Variants in HERC1 observed in about 807,000 individuals in gnomAD.
The protein encoded by HERC1 is probable E3 ubiquitin-protein ligase HERC1.
In HERC1, 160 loss-of-function variants were observed where a neutral mutation model predicts 554.3. That is an observed-to-expected ratio of 0.29 (90% CI 0.25 to 0.33). The LOEUF (loss-of-function observed/expected upper bound fraction) is 0.33, where lower values mean the gene tolerates loss of function less well. Ranked by LOEUF, HERC1 falls within the 10% of genes least tolerant of loss-of-function variation. The probability of loss-of-function intolerance (pLI) is 1.00; values close to 1 mark genes in which losing one functional copy is unlikely to be tolerated. For synonymous variants in HERC1, 2,175 were observed against 2,131.7 expected (o/e 1.02, Z -0.56); for missense variants, 4,919 against 5,918.5 (o/e 0.83, Z 5.54).
chr15:63,713,847 T>C (rs1444197372), intron 22 of HERC1, 182 bp from the exon 23 acceptor site: 3 of 518,854 alleles, frequency 5.8e-6, no homozygotes, highest in Admixed American at 6.7e-5. Flanking sequence ...TATACTAAAA[T>C]ACTATATTTT....
chr15:63,683,403 AAGAG>A (rs2071585757), intron 34 of HERC1, among the ~76,000 whole-genome samples: 1 of 152,226 alleles, frequency 6.6e-6, no homozygotes, highest in Non-Finnish European at 1.5e-5. Flanking sequence ...GATAAAATAA[AAGAG>A]AGGCAAGCTC....
intron 59 of HERC1, among the ~76,000 whole-genome samples, chr15:63,642,339 G>T (rs1417153356): frequency 6.6e-6 from 1 of 152,118 alleles, no homozygotes; most frequent in Non-Finnish European, 1.5e-5. Context: ...TTGTTTGAGA[G>T]AGTTTTTTTT....
At chr15:63,688,589 GA>G (rs1292593799) in intron 33 of HERC1, among the ~76,000 whole-genome samples, 1 of 152,162 alleles carries the variant, frequency 6.6e-6, no homozygotes, top group Non-Finnish European at 1.5e-5. Context: ...GTTTCTTTGA[GA>G]AGGAATGGGG....
At chr15:63,828,044 G>C (rs2078001994) in intron 1 of HERC1, among the ~76,000 whole-genome samples, 1 of 151,672 alleles carries the variant, frequency 6.6e-6, no homozygotes, top group Non-Finnish European at 1.5e-5. Flanking sequence ...TTAGATAGTT[G>C]TGATGGTTGC....
rs1320963217 is a variant in HERC1, at chr15:63,678,185, T to C, written c.6730A>G (p.Ile2244Val). The C allele has an allele frequency of 3.1e-6, 5 of 1,613,858 alleles. No homozygotes were observed. Among genetic ancestry groups the C allele is most frequent in the Non-Finnish European group, 4.2e-6 (5 of 1,179,884 alleles). Residue 2244 changes from isoleucine (I) to valine (V), a missense_variant, in exon 37 of 78, where the codon ATT (isoleucine) becomes GTT (valine). Around this residue, in one of 11 missense-constraint regions of HERC1, gnomAD observed 1,963 missense variants for 2,228.6 expected, o/e 0.88. Transcript: ENST00000443617. ...NKKMMERLHK[I>V]KICIKESGQK... Reference sequence around the variant, plus strand: ...CCTGACTCTTTAATACATATCTTAATTTTGTGAAGCCTTTCCATCATTTTT... The same window carrying C: ...CCTGACTCTTTAATACATATCTTAACTTTGTGAAGCCTTTCCATCATTTTT...
intron 22 of HERC1, among the ~76,000 whole-genome samples, chr15:63,715,076 T>C (rs2073486260): frequency 6.6e-6 from 1 of 152,176 alleles, no homozygotes; most frequent in South Asian, 2.1e-4. Flanking sequence ...AGAATGGTCA[T>C]TGGTGTTTGG....
At chr15:63,793,911 G>C (rs2076730897) in intron 1 of HERC1, among the ~76,000 whole-genome samples, 1 of 152,172 alleles carries the variant, frequency 6.6e-6, no homozygotes, top group South Asian at 2.1e-4. Flanking sequence ...CACAGGATGA[G>C]ATAGGAGGTC....
intron 43 of HERC1, among the ~76,000 whole-genome samples, chr15:63,663,735 T>C (rs762650795): frequency 7.9e-5 from 12 of 152,298 alleles, no homozygotes; most frequent in Non-Finnish European, 1.5e-4. Flanking sequence ...GCTGGGATTA[T>C]AGGCATGAGC....
rs566725672 is a variant in HERC1 at position 63,631,829 on chromosome 15, C to T, written c.12796+880G>A. Among the ~76,000 whole-genome samples the T allele has an allele frequency of 3.9e-5, 6 of 152,330 alleles. No homozygotes were observed. The East Asian group carries it at 9.7e-4, about 25-fold the overall frequency. On this transcript the variant is annotated intron_variant, in intron 68 of 77. Coordinates refer to ENST00000443617, the MANE Select transcript of HERC1 (RefSeq NM_003922.4). Reference sequence around the variant, plus strand: ...ATGCTGGGATTACAGGTGTGAGCCACGGCGCCCGGCCCTCCCAAGTCTTAT... The same window carrying T: ...ATGCTGGGATTACAGGTGTGAGCCATGGCGCCCGGCCCTCCCAAGTCTTAT...
At chr15:63,737,169 G>A (rs1188820842) in intron 12 of HERC1, among the ~76,000 whole-genome samples, 1 of 151,190 alleles carries the variant, frequency 6.6e-6, no homozygotes, top group Non-Finnish European at 1.5e-5. Context: ...CAATAGAAGG[G>A]CTAGAATATA....
intron 51 of HERC1, among the ~76,000 whole-genome samples, chr15:63,653,638 CAT>C: frequency 6.6e-6 from 1 of 152,240 alleles, no homozygotes; most frequent in East Asian, 1.9e-4. Flanking sequence ...CTGCATAGAA[CAT>C]ATATATATCC....
At chr15:63,624,785 C>T (rs2068229348) in intron 71 of HERC1, among the ~76,000 whole-genome samples, 1 of 152,094 alleles carries the variant, frequency 6.6e-6, no homozygotes, top group Non-Finnish European at 1.5e-5. Context: ...TATTAGTAAC[C>T]TTTAAATTTT....
chr15:63,799,282 G>T (rs1394776095), intron 1 of HERC1, among the ~76,000 whole-genome samples: 1 of 152,078 alleles, frequency 6.6e-6, no homozygotes, highest in East Asian at 1.9e-4. Context: ...AGAAGGATCA[G>T]TTGAGCCCAG....
intron 1 of HERC1, chr15:63,780,009 T>G (rs2076239970): frequency 1.7e-5 from 1 of 58,132 alleles, no homozygotes; most frequent in African/African-American, 7.7e-5. Flanking sequence ...GGAGACTCCA[T>G]CTCAAAAAAA....
At chr15:63,671,544 A>G (rs1595936546) in intron 39 of HERC1, among the ~76,000 whole-genome samples, 2 of 152,354 alleles carry the variant, frequency 1.3e-5, no homozygotes, top group Non-Finnish European at 1.5e-5. Context: ...GCACAAGACC[A>G]CAGCAGTAAT....
Position 63,671,203 on chromosome 15 carries a change from C to CAAA in HERC1, c.8045+1290_8045+1292dup, listed in dbSNP as rs371521135. On this transcript the variant is annotated intron_variant, in intron 39 of 77. Transcript: ENST00000443617. ...GGGCAACAAGAGTGAAACTTTGTCT[C>CAAA]AAAAAAAAAAAAAAAAAAATTAGCT... Among the ~76,000 whole-genome samples the CAAA allele has an allele frequency of 1.1e-3, 135 of 123,444 alleles. 1 individual carries two copies. Among genetic ancestry groups the CAAA allele is most frequent in the African/African-American group, 2.2e-3 (71 of 32,884 alleles). The allele number at this position is 123,444 out of a possible 152,430, so 81.0% of individuals were successfully genotyped here. A position where few individuals can be genotyped will look rare whatever the true frequency, so the allele number is the denominator to read the frequency against.
At chr15:63,770,161 C>G (rs1392787101) in intron 2 of HERC1, among the ~76,000 whole-genome samples, 1 of 152,144 alleles carries the variant, frequency 6.6e-6, no homozygotes, top group South Asian at 2.1e-4. Flanking sequence ...TTGCTCTCCC[C>G]ACAACTCAAT....
rs369977219 is a variant in HERC1, at chr15:63,704,179, G to A, written c.4636+2601C>T. ...CAAAAAAACCCTACTGTGTCAAAGG[G>A]CAGTCACTAAATATACAATATTTTT... On this transcript the variant is annotated intron_variant, in intron 25 of 77. Coordinates refer to ENST00000443617, the MANE Select transcript of HERC1 (RefSeq NM_003922.4). 1.5e-4 allele frequency among the ~76,000 whole-genome samples: 23 copies of A among 152,056 alleles called. No homozygotes were observed. In the East Asian group the frequency reaches 2.1e-3, roughly 14 times the overall value.
chr15:63,735,836 T>C (rs541615336), intron 12 of HERC1, among the ~76,000 whole-genome samples: 17 of 152,276 alleles, frequency 1.1e-4, no homozygotes, highest in African/African-American at 3.6e-4. Flanking sequence ...AAAGCATGTG[T>C]CCTCCAACAC....
Sources: allele counts gnomAD v4.1 joint callset (sites outside exome capture counted in the v4.1 genomes callset), GRCh38; gene constraint gnomAD v4.1.1; regional missense constraint gnomAD v4.1.1; transcripts MANE v1.5; gene names NCBI Gene and HGNC (gene_info 2026-07-23, HGNC 2026-07-21).